BRD10: variants seen among roughly 807,000 people sequenced by gnomAD.
BRD10 encodes bromodomain containing 10.
chr9:5,983,498 C>A, the BRD10 span, among the ~76,000 whole-genome samples: 3 of 151,818 alleles, frequency 2.0e-5, no homozygotes, highest in African/African-American at 7.3e-5. Context: ...TTAGAAATTA[C>A]AAAGATGATT....
At chr9:5,975,037 G>A in the BRD10 span, among the ~76,000 whole-genome samples, 1 of 152,122 alleles carries the variant, frequency 6.6e-6, no homozygotes, top group East Asian at 1.9e-4. Flanking sequence ...AATTTACAAT[G>A]TTTGGCATTC....
chr9:5,879,042 A>G, the BRD10 span, among the ~76,000 whole-genome samples: 1 of 152,194 alleles, frequency 6.6e-6, no homozygotes, highest in African/African-American at 2.4e-5. Flanking sequence ...TGCTGTTGCC[A>G]TCTATTGACT....
the BRD10 span, among the ~76,000 whole-genome samples, chr9:5,894,114 G>C: frequency 6.6e-6 from 1 of 152,140 alleles, no homozygotes; most frequent in Non-Finnish European, 1.5e-5. This position sits in a 1 kb window ranked among gnomAD's most constrained non-coding sequence, Gnocchi z 4.0. Flanking sequence ...CATCCGACGA[G>C]AGGCTAGGGC....
the BRD10 span, among the ~76,000 whole-genome samples, chr9:6,001,737 T>C: frequency 0.047 from 7,141 of 152,236 alleles, 442 homozygotes; most frequent in African/African-American, 0.14. Context: ...ATCTCTTGAA[T>C]AAAATCTAAT....
At chr9:5,885,461 C>T in the BRD10 span, among the ~76,000 whole-genome samples, 1 of 151,758 alleles carries the variant, frequency 6.6e-6, no homozygotes, top group South Asian at 2.1e-4. Flanking sequence ...ACCTCCACTT[C>T]CCAGGTTGAA....
At chr9:5,956,990 CTG>C in the BRD10 span, among the ~76,000 whole-genome samples, 1 of 152,046 alleles carries the variant, frequency 6.6e-6, no homozygotes, top group Non-Finnish European at 1.5e-5. Context: ...ATGCAGGTAA[CTG>C]TTTACAATTC....
chr9:5,926,188 T>A, the BRD10 span, among the ~76,000 whole-genome samples: 1 of 152,078 alleles, frequency 6.6e-6, no homozygotes. Flanking sequence ...AGTGCTGGGA[T>A]TACAGGCGTG....
At chr9:5,924,760 C>G in the BRD10 span, 1 of 1,606,736 alleles carries the variant, frequency 6.2e-7, no homozygotes, top group Non-Finnish European at 8.5e-7. Context: ...TCTCCTTCAC[C>G]TTCATCAGTG....
chr9:5,999,371 T>TTA, the BRD10 span, among the ~76,000 whole-genome samples: 5 of 151,944 alleles, frequency 3.3e-5, no homozygotes, highest in Middle Eastern at 3.4e-3. Context: ...CCTGATACAT[T>TTA]TATATATATA....
At chr9:5,892,347 T>A in the BRD10 span, 1 of 677,868 alleles carries the variant, frequency 1.5e-6, no homozygotes, top group Non-Finnish European at 2.3e-6. Flanking sequence ...GTCCTGGCTA[T>A]GGATATTGGT....
At chr9:6,000,481 CAA>C in the BRD10 span, among the ~76,000 whole-genome samples, 1 of 152,050 alleles carries the variant, frequency 6.6e-6, no homozygotes, top group Non-Finnish European at 1.5e-5. Context: ...ATTTTCTCTC[CAA>C]GATATGATTT....
chr9:5,912,278 T>C, the BRD10 span, among the ~76,000 whole-genome samples: 1 of 152,156 alleles, frequency 6.6e-6, no homozygotes, highest in Non-Finnish European at 1.5e-5. Context: ...GGTGGAGTCT[T>C]TAGGTTTTTC....
At chr9:5,957,488 A>T in the BRD10 span, among the ~76,000 whole-genome samples, 3 of 152,192 alleles carry the variant, frequency 2.0e-5, no homozygotes, top group Non-Finnish European at 4.4e-5. Flanking sequence ...AGATAAAGAA[A>T]CAGGCTATAA....
At chr9:5,920,907 T>A in the BRD10 span, 1 of 1,614,020 alleles carries the variant, frequency 6.2e-7, no homozygotes, top group Non-Finnish European at 8.5e-7. Context: ...CAAAGTCTAT[T>A]TGACAAAATA....
the BRD10 span, among the ~76,000 whole-genome samples, chr9:5,932,087 G>C: frequency 6.6e-6 from 1 of 152,116 alleles, no homozygotes; most frequent in Non-Finnish European, 1.5e-5. Flanking sequence ...TTAATGTAAA[G>C]AGAAGAAAAG....
At chr9:5,880,369 G>A in the BRD10 span, among the ~76,000 whole-genome samples, 6 of 152,050 alleles carry the variant, frequency 3.9e-5, no homozygotes, top group Non-Finnish European at 5.9e-5. Flanking sequence ...AAAATTAGCC[G>A]GGCGTCATGG....
the BRD10 span, among the ~76,000 whole-genome samples, chr9:5,903,656 T>C: frequency 6.6e-6 from 1 of 152,202 alleles, no homozygotes; most frequent in African/African-American, 2.4e-5. Flanking sequence ...TATCAGTTTT[T>C]ATCTCATGTA....
chr9:5,892,634 C>A, the BRD10 span: 1 of 1,057,960 alleles, frequency 9.5e-7, no homozygotes, highest in Non-Finnish European at 1.4e-6. Flanking sequence ...TACATGCCTG[C>A]TCGTAAATCT....
At chr9:5,929,143 C>T in the BRD10 span, 21 of 1,569,630 alleles carry the variant, frequency 1.3e-5, no homozygotes, top group South Asian at 5.7e-5. Flanking sequence ...AGCTTGCCTC[C>T]GATGATACCA....
Sources: gnomAD v4.1 joint callset for allele counts (sites outside exome capture counted in the v4.1 genomes callset) on GRCh38, gnomAD v4.1.1 for gene constraint, Gnocchi (gnomAD v3.1) non-coding constraint, MANE v1.5 for transcripts, NCBI Gene and HGNC (gene_info 2026-07-23, HGNC 2026-07-21) for gene names.